SNX29: variants seen among roughly 807,000 people sequenced by gnomAD.
SNX29 encodes sorting nexin 29.
A neutral mutation model predicts 102.1 loss-of-function variants in SNX29; 78 were observed. The ratio of observed to expected loss-of-function variants is 0.76; its 90% CI spans 0.64 to 0.92. SNX29 has a LOEUF of 0.92. SNX29 is among the 40% of genes least tolerant of loss of function. The pLI, the probability that SNX29 is intolerant of heterozygous loss-of-function variation, is 0.00. For synonymous variants in SNX29, 580 were observed against 414.5 expected, an observed-to-expected ratio of 1.40 and a Z score of -4.85; for missense variants, 1,280 against 1,061.7, an observed-to-expected ratio of 1.21 and a Z score of -2.86.
At chr16:12,545,345 C>G (rs1277287164) in intron 20 of SNX29, 3 of 152,132 alleles carry the variant, frequency 2.0e-5, no homozygotes, top group Admixed American at 6.5e-5. Flanking sequence ...CACATAGTTC[C>G]AAGTACATAC....
At chr16:12,196,998 C>A (rs1289821651) in intron 13 of SNX29, among the ~76,000 whole-genome samples, 2 of 152,154 alleles carry the variant, frequency 1.3e-5, no homozygotes, top group Non-Finnish European at 2.9e-5. Flanking sequence ...GTATCTGAAA[C>A]ATTTTAGTGC....
At chr16:12,395,439 G>A (rs542005527) in intron 16 of SNX29, among the ~76,000 whole-genome samples, 2 of 152,256 alleles carry the variant, frequency 1.3e-5, no homozygotes, top group South Asian at 4.1e-4. Flanking sequence ...ACATCCTTGT[G>A]TGTACAGCAC....
At chr16:12,107,500 C>T (rs1304266845) in intron 11 of SNX29, among the ~76,000 whole-genome samples, 1 of 152,044 alleles carries the variant, frequency 6.6e-6, no homozygotes, top group Non-Finnish European at 1.5e-5. Context: ...AACCCCGTCT[C>T]TACTGAAAAA....
chr16:12,057,857 A>G (rs1483181834), intron 8 of SNX29, among the ~76,000 whole-genome samples: 5 of 150,230 alleles, frequency 3.3e-5, no homozygotes, highest in Admixed American at 1.3e-4. Context: ...TCGCTCTGTC[A>G]CTCAGGCTGG....
At chr16:12,011,331 A>G (rs1180171538) in intron 3 of SNX29, among the ~76,000 whole-genome samples, 1 of 150,948 alleles carries the variant, frequency 6.6e-6, no homozygotes, top group Non-Finnish European at 1.5e-5. Context: ...GCTGGAGTGC[A>G]GTGGCGTGAT....
At chr16:12,537,111 C>T (rs932582040) in intron 20 of SNX29, among the ~76,000 whole-genome samples, 4 of 152,198 alleles carry the variant, frequency 2.6e-5, no homozygotes, top group Non-Finnish European at 4.4e-5. Flanking sequence ...AGTCCCTTTC[C>T]TCCCAGCTGT....
intron 11 of SNX29, among the ~76,000 whole-genome samples, chr16:12,091,189 T>C (rs377099916): frequency 2.6e-5 from 4 of 152,114 alleles, no homozygotes; most frequent in Non-Finnish European, 1.5e-5. Context: ...TGTTCTGTAG[T>C]TGAAGAAACT....
chr16:12,064,149 G>T (rs1461672497), intron 9 of SNX29, among the ~76,000 whole-genome samples: 1 of 152,012 alleles, frequency 6.6e-6, no homozygotes, highest in Admixed American at 6.5e-5. Context: ...GCAGTAGGTG[G>T]TCTGATTGTT....
intron 18 of SNX29, among the ~76,000 whole-genome samples, chr16:12,458,401 A>G (rs748694503): frequency 6.6e-6 from 1 of 152,210 alleles, no homozygotes. Flanking sequence ...AGGAGGAAGA[A>G]GCATCAAACG....
chr16:12,005,085 A>C (rs2056410801), intron 3 of SNX29, among the ~76,000 whole-genome samples: 2 of 152,242 alleles, frequency 1.3e-5, no homozygotes, highest in African/African-American at 4.8e-5. Context: ...GTAAGATTTG[A>C]AGGCAGAAAG....
chr16:12,424,101 G>A (rs2084967664), intron 18 of SNX29, among the ~76,000 whole-genome samples: 1 of 152,250 alleles, frequency 6.6e-6, no homozygotes, highest in African/African-American at 2.4e-5. Flanking sequence ...GGCGTGATCA[G>A]AAAGATTTAG....
At chr16:12,426,095 T>TA (rs202129468) in intron 18 of SNX29, among the ~76,000 whole-genome samples, 1,649 of 152,226 alleles carry the variant, frequency 0.011, 33 homozygotes, top group African/African-American at 0.037. Context: ...TTTTTTTTTT[T>TA]TAAAAAGATA....
intron 11 of SNX29, among the ~76,000 whole-genome samples, chr16:12,092,640 G>A (rs866482234): frequency 1.3e-5 from 2 of 152,190 alleles, no homozygotes; most frequent in South Asian, 2.1e-4. Flanking sequence ...CCTCAGTTTC[G>A]CAAGCTATGA....
chr16:12,061,643 G>T lies in SNX29; in HGVS notation c.1240G>T (p.Ala414Ser), dbSNP rs1254232276. 1.2e-6 allele frequency: 2 copies of T among 1,609,174 alleles called. No individual in the cohort carries two copies. Among genetic ancestry groups the T allele is most frequent in the Non-Finnish European group, 1.7e-6 (2 of 1,177,796 alleles). ...CAGTGGCGTGGGCTCCTACAGCCCAGCAGGTGGGTGTCTCCCGATTACTCC... is the reference window on the plus strand; with the variant it reads ...CAGTGGCGTGGGCTCCTACAGCCCATCAGGTGGGTGTCTCCCGATTACTCC... ...PVSGVGSYSP[A>S]DAPLGSLENG... Residue 414 changes from alanine (A) to serine (S), a missense_variant, in exon 9 of 21, where the codon GCA becomes TCA. Coordinates refer to ENST00000566228, the MANE Select transcript of SNX29 (RefSeq NM_032167.5).
At chr16:12,085,459 T>C (rs1308097693) in intron 11 of SNX29, among the ~76,000 whole-genome samples, 2 of 152,156 alleles carry the variant, frequency 1.3e-5, no homozygotes, top group Non-Finnish European at 2.9e-5. Flanking sequence ...TCGGAGTAGC[T>C]GGGATTAAAG....
intron 19 of SNX29, among the ~76,000 whole-genome samples, chr16:12,510,652 G>A (rs979658456): frequency 1.4e-4 from 22 of 151,976 alleles, no homozygotes; most frequent in Middle Eastern, 3.4e-3. Context: ...CAGCCTGGGC[G>A]ACAGAGTGAG....
At chr16:12,481,527 C>T (rs991179413) in intron 19 of SNX29, among the ~76,000 whole-genome samples, 2 of 99,382 alleles carry the variant, frequency 2.0e-5, no homozygotes, top group Non-Finnish European at 2.4e-5. Context: ...CACACACACA[C>T]ACACACACAC....
chr16:12,534,218 T>G (rs1316956421), intron 20 of SNX29, among the ~76,000 whole-genome samples: 1 of 152,202 alleles, frequency 6.6e-6, no homozygotes, highest in East Asian at 1.9e-4. Flanking sequence ...AAGGGTCCAT[T>G]GGAGTAATCG....
chr16:12,053,055 C>G (rs948602935), intron 8 of SNX29: 1 of 152,156 alleles, frequency 6.6e-6, no homozygotes, highest in Non-Finnish European at 1.5e-5. Flanking sequence ...CTTTGGGACA[C>G]CAAGGTGGGT....
Sources: allele counts gnomAD v4.1 joint callset (sites outside exome capture counted in the v4.1 genomes callset), GRCh38; gene constraint gnomAD v4.1.1; transcripts MANE v1.5; gene names NCBI Gene and HGNC (gene_info 2026-07-23, HGNC 2026-07-21).